Variants in LHFPL3 observed in about 807,000 individuals in gnomAD.
LHFPL3 encodes the protein LHFPL tetraspan subfamily member 3 protein.
A neutral mutation model predicts 19.3 loss-of-function variants in LHFPL3; 5 were observed. That is an observed-to-expected ratio of 0.26 (90% CI 0.14 to 0.54). The LOEUF (loss-of-function observed/expected upper bound fraction) is 0.54, where lower values mean the gene tolerates loss of function less well. Among genes scored for constraint, LHFPL3 ranks in the 20% least tolerant of loss-of-function variants. The pLI is 0.94. For synonymous variants in LHFPL3, 133 were observed against 126.2 expected (o/e 1.05, Z -0.36); for missense variants, 249 against 307.4 (o/e 0.81, Z 1.42).
intron 1 of LHFPL3, among the ~76,000 whole-genome samples, chr7:104,387,677 A>G (rs1273797650): frequency 6.6e-6 from 1 of 152,208 alleles, no homozygotes; most frequent in African/African-American, 2.4e-5. Flanking sequence ...AAATTTCCTA[A>G]ATTTGATGAA....
intron 1 of LHFPL3, among the ~76,000 whole-genome samples, chr7:104,589,603 A>G (rs1467373431): frequency 5.9e-5 from 9 of 152,104 alleles, no homozygotes; most frequent in Non-Finnish European, 7.4e-5. Flanking sequence ...CCGGGCTTTG[A>G]TATCAGGATG....
At chr7:104,393,371 A>G (rs1791117378) in intron 1 of LHFPL3, among the ~76,000 whole-genome samples, 1 of 151,718 alleles carries the variant, frequency 6.6e-6, no homozygotes, top group Non-Finnish European at 1.5e-5. Context: ...ATGAAGATCC[A>G]TAATAACCAC....
intron 1 of LHFPL3, among the ~76,000 whole-genome samples, chr7:104,532,428 T>TG (rs1228922240): frequency 4.0e-5 from 6 of 151,368 alleles, no homozygotes; most frequent in African/African-American, 1.5e-4. Flanking sequence ...CCCAAAGTGT[T>TG]GGGGTTATAG....
intron 1 of LHFPL3, among the ~76,000 whole-genome samples, chr7:104,688,836 T>A (rs1792852847): frequency 6.6e-6 from 1 of 152,134 alleles, no homozygotes; most frequent in African/African-American, 2.4e-5. Flanking sequence ...CTAATTTATA[T>A]AAGCAAAAAT....
At chr7:104,646,885 A>AT (rs1194413954) in intron 1 of LHFPL3, among the ~76,000 whole-genome samples, 9 of 152,230 alleles carry the variant, frequency 5.9e-5, no homozygotes, top group African/African-American at 2.2e-4. Context: ...ACAAACATGA[A>AT]TAAGCACAGT....
In LHFPL3 at chr7:104,428,893, C is replaced by T. The variant is rs536774988; in HGVS notation, c.445+99669C>T. Among the ~76,000 whole-genome samples, 279 of 152,144 alleles carry T rather than the reference C, an allele frequency of 1.8e-3. 1 individual carries two copies. The highest frequency in any genetic ancestry group is 6.2e-3 in the African/African-American group (258 of 41,512). On this transcript the variant is annotated intron_variant, in intron 1 of 2. Coordinates refer to ENST00000424859, the MANE Select transcript of LHFPL3 (RefSeq NM_199000.3). ...AAGATATCTTCGGAATCTACCCTTA[C>T]GTACACATACTAGCCTCTAGGAGTT...
chr7:104,703,488 A>G (rs1793138099), intron 1 of LHFPL3, among the ~76,000 whole-genome samples: 1 of 152,200 alleles, frequency 6.6e-6, no homozygotes, highest in Non-Finnish European at 1.5e-5. Flanking sequence ...TCTCATGGAT[A>G]TCATCTTTTG....
At chr7:104,558,066 T>C (rs1241918293) in intron 1 of LHFPL3, among the ~76,000 whole-genome samples, 7 of 149,888 alleles carry the variant, frequency 4.7e-5, no homozygotes, top group African/African-American at 7.4e-5. Context: ...ATTTTCTTAA[T>C]CCAGTCTATC....
At chr7:104,337,937 C>T (rs1439683461) in intron 1 of LHFPL3, among the ~76,000 whole-genome samples, 1 of 152,018 alleles carries the variant, frequency 6.6e-6, no homozygotes, top group East Asian at 1.9e-4. Flanking sequence ...AAGGAATGCT[C>T]TACTGTAGTG....
intron 2 of LHFPL3, among the ~76,000 whole-genome samples, chr7:104,870,839 A>G (rs1791821214): frequency 6.6e-6 from 1 of 152,186 alleles, no homozygotes; most frequent in Admixed American, 6.5e-5. Flanking sequence ...CTGCCAGAGT[A>G]AAGGATGTAT....
rs1186779173 is a variant in LHFPL3 at position 104,549,495 on chromosome 7, G to GTATACACTGCAT, written c.446-187175_446-187164dup. 1.0e-4 allele frequency among the ~76,000 whole-genome samples: 11 copies of GTATACACTGCAT among 104,898 alleles called. No individual in the cohort carries two copies. The Admixed American group carries it at 1.1e-3, about 11-fold the overall frequency. The allele number at this position is 104,898 out of a possible 152,430, so 68.8% of individuals were successfully genotyped here. On this transcript the variant is annotated intron_variant, in intron 1 of 2. Transcript: ENST00000424859. ...CACACACACACACACACACACTTAT[G>GTATACACTGCAT]TATACACTGCATTATAATTTGCTAT...
chr7:104,865,770 T>C (rs1016837282), intron 2 of LHFPL3, among the ~76,000 whole-genome samples: 1 of 152,094 alleles, frequency 6.6e-6, no homozygotes, highest in African/African-American at 2.4e-5. Context: ...AGACACATAA[T>C]TCTCAGATTC....
intron 1 of LHFPL3, among the ~76,000 whole-genome samples, chr7:104,666,712 G>A (rs1284974806): frequency 2.7e-5 from 4 of 150,214 alleles, no homozygotes; most frequent in African/African-American, 9.8e-5. Flanking sequence ...TAGTACAGAC[G>A]GGGTTTCACC....
At chr7:104,516,450 A>G (rs1341479499) in intron 1 of LHFPL3, among the ~76,000 whole-genome samples, 1 of 152,198 alleles carries the variant, frequency 6.6e-6, no homozygotes, top group Non-Finnish European at 1.5e-5. Flanking sequence ...AGCACAAATC[A>G]TTAAAATTAA....
At position 104,764,607 on chromosome 7, in the gene LHFPL3, A is replaced by G. The variant is rs117581894; in HGVS notation, c.682+27696A>G. 4.5e-3 allele frequency among the ~76,000 whole-genome samples: 682 copies of G among 152,198 alleles called. 3 individuals are homozygous for G. The highest frequency in any genetic ancestry group is 8.0e-3 in the Non-Finnish European group (543 of 68,004). On this transcript the variant is annotated intron_variant, in intron 2 of 2. Coordinates refer to ENST00000424859, the MANE Select transcript of LHFPL3 (RefSeq NM_199000.3). ...AACCCTATGATTTTTTTAGTAACTT[A>G]ATAATCCATATCTACACTTATGGAA...
At chr7:104,469,640 G>A (rs1027993552) in intron 1 of LHFPL3, among the ~76,000 whole-genome samples, 1 of 152,016 alleles carries the variant, frequency 6.6e-6, no homozygotes, top group South Asian at 2.1e-4. Context: ...TTAGCCCTGG[G>A]GGATTTCCAG....
At position 104,467,838 on chromosome 7, in the gene LHFPL3, T is replaced by C. The variant is rs1792823219; in HGVS notation, c.445+138614T>C. On this transcript the variant is annotated intron_variant, in intron 1 of 2. Transcript: ENST00000424859. Reference sequence around the variant, plus strand: ...ATTTATTTTCTCCTCTCCTTCATCCTGCTCCTCCTTCTCTTCCTTCTCTTT... The same window carrying C: ...ATTTATTTTCTCCTCTCCTTCATCCCGCTCCTCCTTCTCTTCCTTCTCTTT... Among the ~76,000 whole-genome samples, 3 of 152,242 alleles carry C rather than the reference T, an allele frequency of 2.0e-5. No individual in the cohort carries two copies. In the South Asian group the frequency reaches 6.2e-4, roughly 31 times the overall value.
intron 2 of LHFPL3, among the ~76,000 whole-genome samples, chr7:104,743,684 C>G (rs375457804): frequency 6.6e-6 from 1 of 152,052 alleles, no homozygotes; most frequent in Admixed American, 6.6e-5. Context: ...ATCATTATCC[C>G]CATTTTACAC....
At chr7:104,533,104 A>T (rs992155571) in intron 1 of LHFPL3, among the ~76,000 whole-genome samples, 4 of 152,192 alleles carry the variant, frequency 2.6e-5, no homozygotes, top group African/African-American at 9.7e-5. Flanking sequence ...ATTGATTAGC[A>T]TCAGCTAAAT....
Sources: gnomAD v4.1 joint callset for allele counts (sites outside exome capture counted in the v4.1 genomes callset) on GRCh38, gnomAD v4.1.1 for gene constraint, MANE v1.5 for transcripts, NCBI Gene and HGNC (gene_info 2026-07-23, HGNC 2026-07-21) for gene names.